The following SLC29A3 variants were observed in gnomAD, a reference collection of about 807,000 sequenced individuals.
SLC29A3 encodes the protein equilibrative nucleoside transporter 3.
Under a neutral mutation model 25.4 loss-of-function variants are expected in SLC29A3, and 18 were observed. The ratio of observed to expected loss-of-function variants is 0.71; its 90% CI spans 0.49 to 1.05. SLC29A3 has a LOEUF of 1.05. SLC29A3 is among the 50% of genes least tolerant of loss of function. The pLI is 0.00. For missense variants in SLC29A3, 586 were observed against 609.0 expected (o/e 0.96, Z 0.40); for synonymous variants, 258 against 267.1 (o/e 0.97, Z 0.33).
At chr10:71,350,395 G>A (rs1366817731) in intron 3 of SLC29A3, among the ~76,000 whole-genome samples, 3 of 148,688 alleles carry the variant, frequency 2.0e-5, no homozygotes, top group South Asian at 2.1e-4. Context: ...TTAAAAAAAA[G>A]TATGTAATCT....
intron 2 of SLC29A3, among the ~76,000 whole-genome samples, chr10:71,337,946 A>G (rs1219762685): frequency 6.6e-6 from 1 of 152,200 alleles, no homozygotes; most frequent in Non-Finnish European, 1.5e-5. Context: ...GTGTTCGCAA[A>G]CTGGGTCAGT....
chr10:71,374,764 T>A (rs116196761), intron 3 of SLC29A3, among the ~76,000 whole-genome samples: 1,815 of 152,298 alleles, frequency 0.012, 34 homozygotes, highest in African/African-American at 0.041. Flanking sequence ...GCCGCTAGCG[T>A]GTCATTATCC....
intron 2 of SLC29A3, among the ~76,000 whole-genome samples, chr10:71,338,079 C>T (rs529681112): frequency 9.8e-5 from 15 of 152,360 alleles, no homozygotes; most frequent in African/African-American, 3.6e-4. Context: ...GCCTGGCACC[C>T]CTGGGCCAGG....
intron 3 of SLC29A3, among the ~76,000 whole-genome samples, chr10:71,350,351 A>AT (rs1846721787): frequency 1.7e-5 from 1 of 60,178 alleles, no homozygotes; most frequent in Admixed American, 1.7e-4. Context: ...GTGTGTGTGT[A>AT]TTTTTCCTAC....
chr10:71,346,594 A>G (rs191604567), intron 3 of SLC29A3, among the ~76,000 whole-genome samples: 1 of 152,262 alleles, frequency 6.6e-6, no homozygotes, highest in Admixed American at 6.5e-5. Flanking sequence ...AGTCCCAGCT[A>G]CTCAGTAGGC....
At chr10:71,366,184 G>A (rs762750745), downstream of SLC29A3, 2 of 152,124 alleles carry the variant, frequency 1.3e-5, no homozygotes, top group Non-Finnish European at 2.9e-5. Context: ...TAGAGGCAGA[G>A]TCTCACCATG....
intron 2 of SLC29A3, among the ~76,000 whole-genome samples, chr10:71,329,852 T>A (rs1846079843): frequency 6.6e-6 from 1 of 152,226 alleles, no homozygotes; most frequent in Non-Finnish European, 1.5e-5. Context: ...CATGAGAGAC[T>A]TAGGTGAGCC....
rs777522884 is a variant in SLC29A3 at position 71,323,074 on chromosome 10, G to C, written c.300+20G>C. 8 of 1,612,040 alleles carry C rather than the reference G, an allele frequency of 5.0e-6. No individual in the cohort carries two copies. Among genetic ancestry groups the C allele is most frequent in the Non-Finnish European group, 6.8e-6 (8 of 1,180,018 alleles). On this transcript the variant is annotated intron_variant, in intron 2 of 5. Transcript: ENST00000373189. The stretch of plus-strand genomic sequence containing the variant: ...ATCCTGGTAAGGGCATGTTTCTCCT[G>C]CAAGGCTGGTGGGAGCATACAGAGG...
At chr10:71,332,604 C>T (rs1349384124) in intron 2 of SLC29A3, among the ~76,000 whole-genome samples, 9 of 152,174 alleles carry the variant, frequency 5.9e-5, no homozygotes, top group Non-Finnish European at 1.5e-5. Flanking sequence ...GCAGCATGGG[C>T]TTCAGGCTTT....
intron 4 of SLC29A3, among the ~76,000 whole-genome samples, chr10:71,354,355 A>G (rs1447139876): frequency 6.6e-6 from 1 of 152,174 alleles, no homozygotes; most frequent in African/African-American, 2.4e-5. Context: ...TTGGACTCGG[A>G]TGTTTTGATT....
downstream of SLC29A3, chr10:71,363,462 T>G (rs1019419673): frequency 5.0e-6 from 2 of 400,572 alleles, no homozygotes; most frequent in African/African-American, 4.2e-5. Context: ...GAGGATTTTT[T>G]AAAATTTATT....
intron 4 of SLC29A3, among the ~76,000 whole-genome samples, chr10:71,354,557 G>A (rs752437481): frequency 1.3e-5 from 2 of 152,182 alleles, no homozygotes; most frequent in Non-Finnish European, 2.9e-5. Flanking sequence ...CACGGTGGAC[G>A]GGGCCTGACT....
At position 71,322,940 on chromosome 10, in the gene SLC29A3, T is replaced by C. The variant is rs1317124976; in HGVS notation, c.186T>C (p.Ile62=). 1 of 1,614,112 alleles carries C rather than the reference T, an allele frequency of 6.2e-7. No individual in the cohort carries two copies. Among genetic ancestry groups the C allele is most frequent in the African/African-American group, 1.3e-5 (1 of 74,946 alleles). ...ACATCATCTTCTTCAGCCTGGGCAT[T>C]GGCAGTCTACTGCCATGGAACTTCT... ...GTYIIFFSLG[I]GSLLPWNFFI... The change falls in exon 2 of 6, where the codon ATT becomes ATC. Residue 62 remains isoleucine (I), a synonymous_variant. Coordinates refer to ENST00000373189, the MANE Select transcript of SLC29A3 (RefSeq NM_018344.6).
intron 2 of SLC29A3, among the ~76,000 whole-genome samples, chr10:71,339,362 G>GCTC (rs1261538991): frequency 6.6e-6 from 1 of 152,236 alleles, no homozygotes; most frequent in Admixed American, 6.5e-5. Flanking sequence ...CCCTGCCTGA[G>GCTC]CTCCAGGTCA....
At chr10:71,377,369 T>C (rs997265953) in intron 4 of SLC29A3, among the ~76,000 whole-genome samples, 2 of 152,364 alleles carry the variant, frequency 1.3e-5, no homozygotes, top group African/African-American at 4.8e-5. Context: ...CTCATGGCTA[T>C]GCCGAGCCCG....
intron 3 of SLC29A3, 59 bp downstream of exon 3, chr10:71,344,350 C>G: frequency 7.6e-7 from 1 of 1,314,876 alleles, no homozygotes; most frequent in East Asian, 2.3e-5. Flanking sequence ...TCCTCTACTC[C>G]CCTCTTGCCT....
chr10:71,351,545 T>A lies in SLC29A3; in HGVS notation c.384-17T>A, dbSNP rs1846758379. On this transcript the variant is annotated splice_polypyrimidine_tract_variant and intron_variant, in intron 3 of 5. Transcript: ENST00000373189. ...CCCCGAAGGGGTGTCTAACTGCTTC[T>A]GGCATCCTCGCCCCAGGGTTGCAGT... 1 of 1,612,914 alleles carries A rather than the reference T, an allele frequency of 6.2e-7. No homozygotes were observed. Among genetic ancestry groups the A allele is most frequent in the Admixed American group, 1.7e-5 (1 of 59,990 alleles).
intron 2 of SLC29A3, among the ~76,000 whole-genome samples, chr10:71,342,681 C>T (rs538692238): frequency 6.6e-6 from 1 of 152,344 alleles, no homozygotes; most frequent in South Asian, 2.1e-4. Context: ...TCATTCTACT[C>T]AGTGTCCTCC....
At chr10:71,374,034 AG>A (rs917761326) in intron 3 of SLC29A3, among the ~76,000 whole-genome samples, 1 of 152,232 alleles carries the variant, frequency 6.6e-6, no homozygotes, top group African/African-American at 2.4e-5. Flanking sequence ...GTGTCAAGGT[AG>A]AAGGGAGAAG....
Sources: gnomAD v4.1 joint callset for allele counts (sites outside exome capture counted in the v4.1 genomes callset) on GRCh38, gnomAD v4.1.1 for gene constraint, MANE v1.5 for transcripts, NCBI Gene and HGNC (gene_info 2026-07-23, HGNC 2026-07-21) for gene names.